The following CLDN10 variants were observed in gnomAD, a reference collection of about 807,000 sequenced individuals.
The protein encoded by CLDN10 is claudin 10, also known as claudin-10.
In CLDN10, 15 loss-of-function variants were observed where a neutral mutation model predicts 22.9. The observed-to-expected ratio is 0.65, with a 90% CI of 0.44 to 1.01. The LOEUF (loss-of-function observed/expected upper bound fraction) is 1.01. Among genes scored for constraint, CLDN10 ranks in the 50% least tolerant of loss-of-function variants. CLDN10 has a pLI of 0.00. For synonymous variants in CLDN10, 114 were observed against 111.4 expected (o/e 1.02, Z -0.15); for missense variants, 247 against 287.8 (o/e 0.86, Z 1.03).
chr13:95,546,109 C>T (rs1183105338), intron 1 of CLDN10, among the ~76,000 whole-genome samples: 2 of 152,102 alleles, frequency 1.3e-5, no homozygotes, highest in Admixed American at 1.3e-4. Context: ...AACTAGGTAC[C>T]CTGTTCAAAT....
chr13:95,482,178 T>C (rs1340537728), intron 1 of CLDN10, among the ~76,000 whole-genome samples: 1 of 152,180 alleles, frequency 6.6e-6, no homozygotes, highest in Admixed American at 6.5e-5. Context: ...TATCAAAACG[T>C]CCCATGTACC....
chr13:95,490,870 C>G (rs2042865593), intron 1 of CLDN10, among the ~76,000 whole-genome samples: 1 of 152,186 alleles, frequency 6.6e-6, no homozygotes, highest in African/African-American at 2.4e-5. Context: ...AAGTCCTCCA[C>G]TGCTATTGTG....
At chr13:95,460,557 C>G (rs1005706314) in intron 1 of CLDN10, among the ~76,000 whole-genome samples, 1 of 152,188 alleles carries the variant, frequency 6.6e-6, no homozygotes, top group African/African-American at 2.4e-5. Flanking sequence ...AAAACTCACT[C>G]AATGCCACAA....
chr13:95,562,001 C>A (rs557784758), intron 3 of CLDN10, among the ~76,000 whole-genome samples: 17 of 151,564 alleles, frequency 1.1e-4, no homozygotes, highest in Middle Eastern at 3.4e-3. Flanking sequence ...GCGATCTCGA[C>A]TCACTGCAAC....
chr13:95,559,738 T>C (rs953775433), intron 1 of CLDN10, among the ~76,000 whole-genome samples: 8 of 152,154 alleles, frequency 5.3e-5, no homozygotes, highest in Non-Finnish European at 1.2e-4. Flanking sequence ...GCAGATGATG[T>C]TTTTTCACAG....
chr13:95,575,006 T>G lies in CLDN10; in HGVS notation c.465-2225T>G, dbSNP rs527441264. Among the ~76,000 whole-genome samples the G allele has an allele frequency of 5.9e-5, 9 of 152,268 alleles. No individual in the cohort carries two copies. The South Asian group carries it at 1.9e-3, about 32-fold the overall frequency. On this transcript the variant is annotated intron_variant, in intron 3 of 4. Transcript: ENST00000299339. ...AGCTATGCTTATGATTTCTATCATC[T>G]TCATCCCCCAACTGGCCACTATTAA...
At chr13:95,475,806 C>T (rs1307730707) in intron 1 of CLDN10, among the ~76,000 whole-genome samples, 1 of 151,620 alleles carries the variant, frequency 6.6e-6, no homozygotes, top group Non-Finnish European at 1.5e-5. Context: ...CTCTCTCTGT[C>T]TCTCTCTGTC....
intron 1 of CLDN10, among the ~76,000 whole-genome samples, chr13:95,492,500 C>T (rs981894391): frequency 1.3e-5 from 2 of 152,042 alleles, no homozygotes; most frequent in African/African-American, 4.8e-5. Context: ...GAAGGGTCGG[C>T]CTCACTCCCA....
chr13:95,512,774 C>A (rs977931236), intron 1 of CLDN10, among the ~76,000 whole-genome samples: 6 of 152,218 alleles, frequency 3.9e-5, no homozygotes, highest in Non-Finnish European at 8.8e-5. Flanking sequence ...GGAAAATAGA[C>A]TGAACCTGAT....
intron 3 of CLDN10, among the ~76,000 whole-genome samples, chr13:95,565,451 AT>A (rs2043773933): frequency 6.6e-6 from 1 of 152,084 alleles, no homozygotes; most frequent in Non-Finnish European, 1.5e-5. Context: ...TGGCCCAGCT[AT>A]TTTTGTGTTG....
intron 1 of CLDN10, among the ~76,000 whole-genome samples, chr13:95,463,100 C>G (rs2042549595): frequency 1.3e-5 from 2 of 151,782 alleles, no homozygotes; most frequent in Non-Finnish European, 2.9e-5. Context: ...ACCCACATCT[C>G]TCTATAATAA....
rs149451495 is a variant in CLDN10 at position 95,503,786 on chromosome 13, C to T, written c.215-56346C>T. Reference sequence around the variant, plus strand: ...ATTCTACTTATATAAGGCACTTAGTCAAAATTATAGTGGCACAAAGTAGAA... The same window carrying T: ...ATTCTACTTATATAAGGCACTTAGTTAAAATTATAGTGGCACAAAGTAGAA... On this transcript the variant is annotated intron_variant, in intron 1 of 4. Coordinates refer to the CLDN10 transcript ENST00000376873. 9.9e-4 allele frequency among the ~76,000 whole-genome samples: 150 copies of T among 152,174 alleles called. 1 individual carries two copies. Among genetic ancestry groups the T allele is most frequent in the African/African-American group, 3.4e-3 (142 of 41,520 alleles).
intron 1 of CLDN10, among the ~76,000 whole-genome samples, chr13:95,535,230 G>C (rs577430467): frequency 5.3e-5 from 8 of 152,100 alleles, no homozygotes; most frequent in Non-Finnish European, 1.0e-4. Flanking sequence ...CCCGTGAAGG[G>C]TTTTAAAGGG....
chr13:95,447,950 C>T (rs557379864), intron 1 of CLDN10, among the ~76,000 whole-genome samples: 41 of 152,170 alleles, frequency 2.7e-4, no homozygotes, highest in African/African-American at 9.6e-4. Context: ...GCAGCTATGC[C>T]GCCTCTCCCT....
intron 1 of CLDN10, among the ~76,000 whole-genome samples, chr13:95,481,784 C>T (rs1026874273): frequency 2.6e-5 from 4 of 152,132 alleles, no homozygotes; most frequent in Non-Finnish European, 5.9e-5. Context: ...TTTTGGGAAG[C>T]CGAAGTGAGT....
chr13:95,539,965 G>A (rs1233597855), intron 1 of CLDN10, among the ~76,000 whole-genome samples: 1 of 151,680 alleles, frequency 6.6e-6, no homozygotes, highest in Non-Finnish European at 1.5e-5. Context: ...GACCAGCCTG[G>A]GCAACATGGT....
chr13:95,561,869 G>A (rs1035529002), intron 3 of CLDN10, among the ~76,000 whole-genome samples: 5 of 149,916 alleles, frequency 3.3e-5, no homozygotes, highest in African/African-American at 1.2e-4. Context: ...GCACTCAAGT[G>A]ATCCTCCCAC....
chr13:95,526,129 T>C (rs192846739), intron 1 of CLDN10, among the ~76,000 whole-genome samples: 4 of 152,346 alleles, frequency 2.6e-5, no homozygotes, highest in Admixed American at 2.6e-4. Context: ...AGAGTGTTTG[T>C]GTGCATTCTC....
At chr13:95,515,948 C>A (rs542298065) in intron 1 of CLDN10, among the ~76,000 whole-genome samples, 1 of 152,010 alleles carries the variant, frequency 6.6e-6, no homozygotes, top group Non-Finnish European at 1.5e-5. Context: ...ATGGAGCATG[C>A]CTGTAATCCC....
Sources: gnomAD v4.1 joint callset for allele counts (sites outside exome capture counted in the v4.1 genomes callset) on GRCh38, gnomAD v4.1.1 for gene constraint, MANE v1.5 for transcripts, NCBI Gene and HGNC (gene_info 2026-07-23, HGNC 2026-07-21) for gene names.